ULK4: variants seen among roughly 807,000 people sequenced by gnomAD.
The protein encoded by ULK4 is unc-51 like kinase 4.
A neutral mutation model predicts 160.6 loss-of-function variants in ULK4; 133 were observed. The ratio of observed to expected loss-of-function variants is 0.83; its 90% confidence interval spans 0.72 to 0.96. The LOEUF is 0.96. Ranked by LOEUF, ULK4 falls within the 40% of genes least tolerant of loss-of-function variation. The probability of loss-of-function intolerance (pLI) is 0.00; values close to 1 mark genes in which losing one functional copy is unlikely to be tolerated. For synonymous variants in ULK4, 534 were observed against 539.8 expected (o/e 0.99, Z 0.15); for missense variants, 1,580 against 1,499.5 (o/e 1.05, Z -0.89).
chr3:41,463,381 A>T, intron 32 of ULK4, 128 bp from the exon 33 acceptor site: 1 of 833,626 alleles, frequency 1.2e-6, no homozygotes, highest in Non-Finnish European at 1.8e-6. Context: ...CTATACTCTT[A>T]TCAGATTCAC....
chr3:41,952,375 G>C (rs1397110813), intron 2 of ULK4, among the ~76,000 whole-genome samples: 1 of 152,166 alleles, frequency 6.6e-6, no homozygotes, highest in Non-Finnish European at 1.5e-5. Context: ...AACCAGATTA[G>C]AGAATGGGCA....
chr3:41,546,328 G>A (rs1691955), intron 32 of ULK4, among the ~76,000 whole-genome samples: 3 of 151,856 alleles, frequency 2.0e-5, no homozygotes, highest in South Asian at 2.1e-4. Context: ...GATTTAATCC[G>A]TAGACCAAGG....
intron 35 of ULK4, among the ~76,000 whole-genome samples, chr3:41,306,113 C>G (rs1170005022): frequency 1.5e-5 from 2 of 129,594 alleles, no homozygotes; most frequent in Non-Finnish European, 3.3e-5. Flanking sequence ...GCCGCCACCC[C>G]GTCCGGGAGG....
At chr3:41,443,156 C>T (rs990877968) in intron 34 of ULK4, among the ~76,000 whole-genome samples, 2 of 152,158 alleles carry the variant, frequency 1.3e-5, no homozygotes, top group African/African-American at 4.8e-5. Flanking sequence ...CAGATAAGTT[C>T]ATTCTCACCA....
At chr3:41,683,128 C>A (rs61684694) in intron 27 of ULK4, among the ~76,000 whole-genome samples, 8,089 of 152,066 alleles carry the variant, frequency 0.053, 706 homozygotes, top group African/African-American at 0.19. Context: ...CTCACTGATG[C>A]CATACCCGCT....
chr3:41,513,655 A>G (rs1444888369), intron 32 of ULK4, among the ~76,000 whole-genome samples: 2 of 152,192 alleles, frequency 1.3e-5, no homozygotes, highest in South Asian at 4.1e-4. Context: ...CAAAATAATG[A>G]CATTCACAGC....
intron 27 of ULK4, among the ~76,000 whole-genome samples, chr3:41,685,682 T>C (rs958600752): frequency 6.6e-6 from 1 of 152,198 alleles, no homozygotes; most frequent in Non-Finnish European, 1.5e-5. Flanking sequence ...TCACATTCTT[T>C]GCCCAGCCCA....
chr3:41,560,623 C>T (rs1428205926), intron 32 of ULK4, among the ~76,000 whole-genome samples: 1 of 152,152 alleles, frequency 6.6e-6, no homozygotes, highest in African/African-American at 2.4e-5. Context: ...CTCTTTGTAG[C>T]AATTGTGAAT....
intron 35 of ULK4, among the ~76,000 whole-genome samples, chr3:41,256,627 A>G (rs575763932): frequency 2.0e-5 from 3 of 152,232 alleles, no homozygotes; most frequent in Non-Finnish European, 4.4e-5. Context: ...TAAAAACTAT[A>G]TAACTTCTAG....
chr3:41,387,766 T>C (rs2081853289), intron 35 of ULK4, among the ~76,000 whole-genome samples: 1 of 152,212 alleles, frequency 6.6e-6, no homozygotes, highest in African/African-American at 2.4e-5. Flanking sequence ...CTTAATCCAG[T>C]CTATCATTGT....
chr3:41,456,008 C>G (rs994860893), intron 33 of ULK4, among the ~76,000 whole-genome samples: 3 of 152,176 alleles, frequency 2.0e-5, no homozygotes, highest in African/African-American at 7.2e-5. Context: ...CTCCTGGGTT[C>G]AAGCGATTCT....
chr3:41,532,139 A>G (rs1333866039), intron 32 of ULK4, among the ~76,000 whole-genome samples: 3 of 152,206 alleles, frequency 2.0e-5, no homozygotes, highest in Admixed American at 6.5e-5. Context: ...CTCCGACCGC[A>G]TCAACAAGCT....
intron 35 of ULK4, among the ~76,000 whole-genome samples, chr3:41,388,667 C>G (rs1412321967): frequency 6.6e-6 from 1 of 152,034 alleles, no homozygotes; most frequent in Non-Finnish European, 1.5e-5. Context: ...TCAGGTTTGT[C>G]AAAGATCAGA....
intron 31 of ULK4, among the ~76,000 whole-genome samples, chr3:41,584,628 A>G (rs2030654024): frequency 6.6e-6 from 1 of 152,206 alleles, no homozygotes; most frequent in Admixed American, 6.5e-5. Flanking sequence ...TAACACAGCA[A>G]CAACTTTCAT....
chr3:41,590,461 CAAAAA>C (rs71075479), intron 31 of ULK4, among the ~76,000 whole-genome samples: 5 of 56,886 alleles, frequency 8.8e-5, no homozygotes, highest in African/African-American at 2.7e-4. Context: ...ACTAAAAATA[CAAAAA>C]AAAAAAAAAA....
intron 17 of ULK4, among the ~76,000 whole-genome samples, chr3:41,883,495 T>C (rs1179954710): frequency 6.6e-6 from 1 of 152,204 alleles, no homozygotes; most frequent in Non-Finnish European, 1.5e-5. Flanking sequence ...ACGAAAACAC[T>C]ACATTCAAGG....
intron 27 of ULK4, among the ~76,000 whole-genome samples, chr3:41,703,427 CAT>C (rs2036751830): frequency 6.6e-6 from 1 of 151,796 alleles, no homozygotes; most frequent in Admixed American, 6.6e-5. Context: ...ATTAATAACC[CAT>C]GAGTCAATAA....
chr3:41,834,703 A>G (rs2041701826), intron 18 of ULK4, among the ~76,000 whole-genome samples: 1 of 152,204 alleles, frequency 6.6e-6, no homozygotes, highest in African/African-American at 2.4e-5. Flanking sequence ...TACTAAGGAT[A>G]TTGAGGTTAT....
intron 21 of ULK4, chr3:41,766,893 T>A (rs1246745915): frequency 6.6e-6 from 1 of 152,226 alleles, no homozygotes; most frequent in African/African-American, 2.4e-5. Context: ...AGGCGACAGA[T>A]GTCACAGCCA....
Sources: allele counts gnomAD v4.1 joint callset (sites outside exome capture counted in the v4.1 genomes callset), GRCh38; gene constraint gnomAD v4.1.1; transcripts MANE v1.5; gene names NCBI Gene and HGNC (gene_info 2026-07-23, HGNC 2026-07-21).